Variants in SPATA1 observed in about 807,000 individuals in gnomAD.
SPATA1 encodes the protein spermatogenesis-associated protein 1.
In SPATA1, 57 loss-of-function variants were observed where a neutral mutation model predicts 59.6. The ratio of observed to expected loss-of-function variants is 0.96; its 90% CI spans 0.77 to 1.19. The LOEUF (loss-of-function observed/expected upper bound fraction) is 1.19. Among genes scored for constraint, SPATA1 ranks in the 50% most tolerant of loss-of-function variants. The pLI is 0.00. For synonymous variants in SPATA1, 147 were observed against 163.9 expected (o/e 0.90, Z 0.79); for missense variants, 448 against 480.7 (o/e 0.93, Z 0.64).
chr1:84,529,614 G>T (rs1215570250), intron 6 of SPATA1, among the ~76,000 whole-genome samples: 2 of 117,358 alleles, frequency 1.7e-5, no homozygotes, highest in African/African-American at 6.9e-5. Flanking sequence ...ACGGAGTCTC[G>T]CTCTGTTGCC....
In SPATA1 at chr1:84,546,842, GAAGTT is replaced by G. The variant is rs1177393520; in HGVS notation, c.946+1088_946+1092del. On this transcript the variant is annotated intron_variant, in intron 10 of 12. Transcript: ENST00000490879. ...TGCTTTTAAAAGTGAATGAATGAGG[GAAGTT>G]AAGTAAGTTTTCTTGCAGTACAATT... Among the ~76,000 whole-genome samples the G allele has an allele frequency of 4.6e-5, 7 of 152,244 alleles. No homozygotes were observed. The South Asian group carries it at 1.2e-3, about 27-fold the overall frequency.
rs56004476 is a variant in SPATA1 at position 84,507,951 on chromosome 1, G to A, written c.-138+1533G>A. On this transcript the variant is annotated intron_variant, in intron 1 of 12. Coordinates refer to ENST00000490879, the Ensembl canonical transcript of SPATA1. Reference sequence around the variant, plus strand: ...ACACCAGGTGTTATTTTTTTGTAGCGTGTGTTTAAAGATTCTATTTAGGAT... The same window carrying A: ...ACACCAGGTGTTATTTTTTTGTAGCATGTGTTTAAAGATTCTATTTAGGAT... 2.3e-3 allele frequency among the ~76,000 whole-genome samples: 347 copies of A among 152,054 alleles called. 2 individuals are homozygous for A. Among genetic ancestry groups the A allele is most frequent in the Non-Finnish European group, 3.6e-3 (245 of 67,954 alleles).
intron 2 of SPATA1, 47 bp downstream of exon 2, chr1:84,516,442 ACTG>A: frequency 1.7e-6 from 2 of 1,177,452 alleles, no homozygotes; most frequent in Non-Finnish European, 2.3e-6. Flanking sequence ...CCTGCTTATC[ACTG>A]TTTTTGAAAA....
intron 4 of SPATA1, among the ~76,000 whole-genome samples, chr1:84,564,728 C>G (rs1324985150): frequency 6.6e-6 from 1 of 152,062 alleles, no homozygotes; most frequent in Non-Finnish European, 1.5e-5. Context: ...GTAATTTTAA[C>G]AGAATAAGTT....
At chr1:84,557,452 G>C (rs915575194), downstream of SPATA1, among the ~76,000 whole-genome samples, 1 of 142,634 alleles carries the variant, frequency 7.0e-6, no homozygotes, top group African/African-American at 2.6e-5. Flanking sequence ...AGAATTGCTT[G>C]AACCTGGGAG....
intron 8 of SPATA1, among the ~76,000 whole-genome samples, chr1:84,542,492 T>A (rs974796086): frequency 1.3e-5 from 2 of 152,180 alleles, no homozygotes; most frequent in Admixed American, 1.3e-4. Context: ...CCTCATAGAA[T>A]CTACCAGGTT....
intron 9 of SPATA1, 54 bp downstream of exon 9, chr1:84,544,358 T>C: frequency 7.5e-7 from 1 of 1,336,658 alleles, no homozygotes; most frequent in Non-Finnish European, 1.0e-6. Flanking sequence ...AAGTAAATAA[T>C]GTTAATGGGG....
Position 84,538,703 on chromosome 1 carries a change from GC to G in SPATA1, c.717+4939del, listed in dbSNP as rs1208244874. Among the ~76,000 whole-genome samples the G allele has an allele frequency of 3.9e-5, 6 of 152,324 alleles. No individual in the cohort carries two copies. The East Asian group carries it at 1.2e-3, about 29-fold the overall frequency. On this transcript the variant is annotated intron_variant, in intron 8 of 12. Transcript: ENST00000490879. ...TTTATTTAAACCAACTGAATCAGAAGCCTGCCAACTTTGAGTGGGACTTAAA... is the reference window on the plus strand; with the variant it reads ...TTTATTTAAACCAACTGAATCAGAAGCTGCCAACTTTGAGTGGGACTTAAA...
At chr1:84,508,857 A>C (rs1282540178) in intron 1 of SPATA1, among the ~76,000 whole-genome samples, 4 of 152,216 alleles carry the variant, frequency 2.6e-5, no homozygotes, top group African/African-American at 9.6e-5. Flanking sequence ...GGAATTAACC[A>C]AGGAAGTTAA....
chr1:84,525,781 A>G, intron 5 of SPATA1, 32 bp downstream of exon 5: 1 of 1,604,936 alleles, frequency 6.2e-7, no homozygotes, highest in Non-Finnish European at 8.5e-7. Context: ...ACTTATGCTA[A>G]TTTTTAACTT....
downstream of SPATA1, among the ~76,000 whole-genome samples, chr1:84,557,533 C>CAAAAAAAAAAAAAAAAACAAAAAAA (rs1684472405): frequency 1.8e-5 from 1 of 55,438 alleles, no homozygotes; most frequent in Non-Finnish European, 3.5e-5. Context: ...AACTCCATCT[C>CAAAAAAAAAAAAAAAAACAAAAAAA]AAAAAAAAAA....
At chr1:84,520,720 T>G in intron 3 of SPATA1, 29 bp downstream of exon 3, 1 of 1,356,474 alleles carries the variant, frequency 7.4e-7, no homozygotes, top group Non-Finnish European at 1.0e-6. Flanking sequence ...TGTAACAATA[T>G]GCCTGAAAGA....
At chr1:84,522,931 G>A (rs1338635661) in intron 4 of SPATA1, among the ~76,000 whole-genome samples, 2 of 147,944 alleles carry the variant, frequency 1.4e-5, no homozygotes, top group Non-Finnish European at 3.0e-5. Flanking sequence ...TTTTTTCCGA[G>A]ACGGAGTCTT....
chr1:84,519,096 AT>A (rs35325799), intron 2 of SPATA1, among the ~76,000 whole-genome samples: 1 of 152,022 alleles, frequency 6.6e-6, no homozygotes, highest in Non-Finnish European at 1.5e-5. Context: ...CTACCAAAAA[AT>A]TTTTTTAGTA....
At chr1:84,520,638 A>G in exon 3 of SPATA1, 1 of 1,582,804 alleles carries the variant, frequency 6.3e-7, no homozygotes, top group South Asian at 1.2e-5. Context: ...ACTATAAGCT[A>G]AATACCATTT....
At chr1:84,527,087 A>G (rs1398941902) in intron 6 of SPATA1, among the ~76,000 whole-genome samples, 1 of 152,130 alleles carries the variant, frequency 6.6e-6, no homozygotes, top group Non-Finnish European at 1.5e-5. Flanking sequence ...GCAGGTACTA[A>G]CTTTGGAACA....
chr1:84,555,073 A>G, downstream of SPATA1: 1 of 1,614,068 alleles, frequency 6.2e-7, no homozygotes, highest in Middle Eastern at 1.7e-4. Flanking sequence ...GCATCTCCAG[A>G]GTAGTCAAGA....
chr1:84,549,110 T>A, intron 11 of SPATA1, 146 bp downstream of exon 11: 1 of 746,262 alleles, frequency 1.3e-6, no homozygotes, highest in Non-Finnish European at 2.0e-6. Context: ...CCTTATGTAA[T>A]AGGAGGAGCA....
chr1:84,566,970 A>G (rs976665243), downstream of SPATA1, among the ~76,000 whole-genome samples: 5 of 152,178 alleles, frequency 3.3e-5, no homozygotes, highest in African/African-American at 1.2e-4. Context: ...TTCAACAAGA[A>G]TGTGTCTCTT....
Sources: allele counts gnomAD v4.1 joint callset (sites outside exome capture counted in the v4.1 genomes callset), GRCh38; gene constraint gnomAD v4.1.1; transcripts MANE v1.5; gene names NCBI Gene and HGNC (gene_info 2026-07-23, HGNC 2026-07-21).